Variants in HYCC2 observed in about 807,000 individuals in gnomAD.
HYCC2 encodes the protein hyccin 2.
At chr2:200,981,048 C>T in the HYCC2 span, 1 of 597,658 alleles carries the variant, frequency 1.7e-6, no homozygotes, top group South Asian at 2.0e-5. The surrounding 1 kb of genome is among the most constrained non-coding windows in gnomAD (Gnocchi z 4.5). Flanking sequence ...TATACTGCTT[C>T]ACAAACACAT....
At chr2:200,989,893 A>C in the HYCC2 span, among the ~76,000 whole-genome samples, 1 of 152,226 alleles carries the variant, frequency 6.6e-6, no homozygotes, top group Non-Finnish European at 1.5e-5. Flanking sequence ...ATAGTATTTT[A>C]AGAATACTGT....
the HYCC2 span, among the ~76,000 whole-genome samples, chr2:201,070,374 C>T: frequency 6.6e-6 from 1 of 152,044 alleles, no homozygotes; most frequent in Non-Finnish European, 1.5e-5. Context: ...TTTTTTCTGC[C>T]GGGCACGGTG....
chr2:201,051,398 G>A, the HYCC2 span, among the ~76,000 whole-genome samples: 1 of 151,710 alleles, frequency 6.6e-6, no homozygotes, highest in Non-Finnish European at 1.5e-5. Context: ...AAAAGAATAA[G>A]GACTGGAAAG....
the HYCC2 span, among the ~76,000 whole-genome samples, chr2:201,047,622 G>T: frequency 3.3e-5 from 5 of 150,208 alleles, no homozygotes; most frequent in African/African-American, 1.2e-4. Context: ...CATATTAAAA[G>T]AAAATTCTAC....
chr2:201,000,057 CAAAAAA>C, the HYCC2 span, among the ~76,000 whole-genome samples: 1 of 34,736 alleles, frequency 2.9e-5, no homozygotes, highest in African/African-American at 1.2e-4. Context: ...GACTCCGTCT[CAAAAAA>C]AAAAAAAAAA....
the HYCC2 span, among the ~76,000 whole-genome samples, chr2:201,067,495 TATA>T: frequency 1.3e-5 from 2 of 152,212 alleles, no homozygotes; most frequent in Non-Finnish European, 2.9e-5. Context: ...CACCTCTTAA[TATA>T]TTACATAATT....
At chr2:201,061,959 A>C in the HYCC2 span, among the ~76,000 whole-genome samples, 1 of 151,824 alleles carries the variant, frequency 6.6e-6, no homozygotes, top group Non-Finnish European at 1.5e-5. Flanking sequence ...GACAAAATCA[A>C]CTGGGCATGG....
chr2:201,009,115 C>T, the HYCC2 span: 1 of 1,316,772 alleles, frequency 7.6e-7, no homozygotes, highest in East Asian at 2.3e-5. Context: ...CAGTATGAGA[C>T]AATGTCTCTA....
chr2:201,060,981 T>C, the HYCC2 span, among the ~76,000 whole-genome samples: 4 of 152,032 alleles, frequency 2.6e-5, no homozygotes, highest in Non-Finnish European at 5.9e-5. Flanking sequence ...AGTTGGTAGT[T>C]ATGTTCTAAA....
the HYCC2 span, among the ~76,000 whole-genome samples, chr2:201,040,166 T>C: frequency 1.3e-5 from 2 of 149,356 alleles, no homozygotes; most frequent in Non-Finnish European, 3.0e-5. Context: ...AGTGAGACTC[T>C]GTCTCAAAAA....
the HYCC2 span, among the ~76,000 whole-genome samples, chr2:201,034,244 A>G: frequency 6.6e-6 from 1 of 152,208 alleles, no homozygotes; most frequent in African/African-American, 2.4e-5. Flanking sequence ...ATGAAATAAT[A>G]TTTTATGAAA....
At chr2:201,022,877 G>A in the HYCC2 span, 1 of 1,613,524 alleles carries the variant, frequency 6.2e-7, no homozygotes, top group Non-Finnish European at 8.5e-7. Flanking sequence ...TGGTACAAGT[G>A]TTTTTTTCCG....
the HYCC2 span, chr2:200,979,968 A>G: frequency 1.3e-5 from 2 of 152,554 alleles, no homozygotes; most frequent in Admixed American, 6.5e-5. Flanking sequence ...AAAATGAGGA[A>G]CTGCAGATAT....
At chr2:201,063,536 T>C in the HYCC2 span, 1 of 1,589,660 alleles carries the variant, frequency 6.3e-7, no homozygotes. Context: ...GGGCTTTGCC[T>C]TTGTAACCTT....
chr2:201,044,523 A>G, the HYCC2 span, among the ~76,000 whole-genome samples: 1 of 152,242 alleles, frequency 6.6e-6, no homozygotes, highest in South Asian at 2.1e-4. Context: ...CTCTCTAAGT[A>G]CAATAATATG....
the HYCC2 span, among the ~76,000 whole-genome samples, chr2:201,027,961 C>T: frequency 1.5e-3 from 231 of 152,226 alleles, no homozygotes; most frequent in African/African-American, 5.1e-3. Context: ...AAGTTCTGGC[C>T]AGGGCAATCA....
the HYCC2 span, among the ~76,000 whole-genome samples, chr2:201,051,820 CTG>C: frequency 6.6e-6 from 1 of 152,042 alleles, no homozygotes; most frequent in East Asian, 1.9e-4. Context: ...GGCAGGAAAA[CTG>C]TAAGGTCCTG....
the HYCC2 span, among the ~76,000 whole-genome samples, chr2:201,066,155 C>T: frequency 6.6e-6 from 1 of 151,928 alleles, no homozygotes; most frequent in African/African-American, 2.4e-5. Context: ...CTCACTGCAA[C>T]CTCCACTTCC....
the HYCC2 span, among the ~76,000 whole-genome samples, chr2:201,051,628 A>C: frequency 1.3e-5 from 2 of 152,246 alleles, no homozygotes; most frequent in African/African-American, 4.8e-5. Flanking sequence ...AAGATGTATA[A>C]GACCTCTACA....
Sources: gnomAD v4.1 joint callset for allele counts (sites outside exome capture counted in the v4.1 genomes callset) on GRCh38, gnomAD v4.1.1 for gene constraint, Gnocchi (gnomAD v3.1) non-coding constraint, MANE v1.5 for transcripts, NCBI Gene and HGNC (gene_info 2026-07-23, HGNC 2026-07-21) for gene names.